The following UMPS variants were observed in gnomAD, a reference collection of about 807,000 sequenced individuals.
UMPS encodes uridine monophosphate synthetase.
In UMPS, 21 loss-of-function variants were observed where a neutral mutation model predicts 38.9. The ratio of observed to expected loss-of-function variants is 0.54; its 90% CI spans 0.38 to 0.78. The LOEUF (loss-of-function observed/expected upper bound fraction) is 0.78, where lower values mean the gene tolerates loss of function less well. Among genes scored for constraint, UMPS ranks in the 30% least tolerant of loss-of-function variants. UMPS has a pLI of 0.00. For synonymous variants in UMPS, 208 were observed against 219.3 expected, an observed-to-expected ratio of 0.95 and a Z score of 0.45; for missense variants, 533 against 591.6, an observed-to-expected ratio of 0.90 and a Z score of 1.03.
Position 124,747,805 on chromosome 3 carries a change from G to C in UMPS, c.*3721G>C, listed in dbSNP as rs925047731. Reference sequence around the variant, plus strand: ...CCAACCATCACCTCTGGCTGCATCAGCGATCTCTCCCAGCGAAATAGCTGC... The same window carrying C: ...CCAACCATCACCTCTGGCTGCATCACCGATCTCTCCCAGCGAAATAGCTGC... On this transcript the variant is annotated 3_prime_UTR_variant, in exon 6 of 6. Transcript: ENST00000232607. The C allele has an allele frequency of 3.6e-5, 16 of 450,336 alleles. No homozygotes were observed. Among genetic ancestry groups the C allele is most frequent in the African/African-American group, 3.2e-4 (16 of 49,914 alleles). The allele number at this position is 450,336 out of a possible 1,614,324, so 27.9% of individuals were successfully genotyped here. A position where few individuals can be genotyped will look rare whatever the true frequency, so the allele number is the denominator to read the frequency against.
At position 124,748,087 on chromosome 3, in the gene UMPS, T is replaced by C. The variant is rs2063616491; in HGVS notation, c.*4003T>C. 3.1e-6 allele frequency: 1 copy of C among 323,676 alleles called. No individual in the cohort carries two copies. The highest frequency in any genetic ancestry group is 5.9e-6 in the Non-Finnish European group (1 of 169,362). 20.1% of individuals were successfully genotyped at this position (323,676 alleles called of 1,614,324 possible). A position where few individuals can be genotyped will look rare whatever the true frequency, so the allele number is the denominator to read the frequency against. On this transcript the variant is annotated 3_prime_UTR_variant, in exon 6 of 6. Coordinates refer to ENST00000232607, the MANE Select transcript of UMPS (RefSeq NM_000373.4). ...TTTAAAATATATATTTTAACAGTTA[T>C]ATATATTAGATATAATATATAATAG...
At position 124,737,854 on chromosome 3, in the gene UMPS, G is replaced by T. The variant is rs2063528363; in HGVS notation, c.597G>T (p.Arg199Ser). ...VDAETVGRVK[R>S]FIQENVFVAA... The stretch of plus-strand genomic sequence containing the variant: ...CTGAGACAGTTGGGAGAGTGAAGAG[G>T]TTTATTCAGGAGAATGTCTTTGTGG... The change falls in exon 3 of 6, where the codon AGG becomes AGT. Residue 199 changes from arginine (R) to serine (S), a missense_variant. By Grantham distance (110) the Arg-to-Ser change is moderately radical (BLOSUM62 -1). Coordinates refer to ENST00000232607, the MANE Select transcript of UMPS (RefSeq NM_000373.4). The T allele has an allele frequency of 1.2e-6, 2 of 1,614,214 alleles. No individual in the cohort carries two copies. The highest frequency in any genetic ancestry group is 1.7e-6 in the Non-Finnish European group (2 of 1,180,034).
In UMPS at chr3:124,737,697, C is replaced by T; in HGVS notation, c.440C>T (p.Thr147Ile). 1.2e-6 allele frequency: 2 copies of T among 1,614,170 alleles called. No homozygotes were observed. Among genetic ancestry groups the T allele is most frequent in the South Asian group, 2.2e-5 (2 of 91,086 alleles). Residue 147 changes from threonine (T) to isoleucine (I), a missense_variant, in exon 3 of 6, where the codon ACT (threonine) becomes ATT (isoleucine). Coordinates refer to ENST00000232607, the MANE Select transcript of UMPS (RefSeq NM_000373.4). Reference protein sequence around the residue: ...EVLQKEGLKVTDAIVLLDREQ... With the variant: ...EVLQKEGLKVIDAIVLLDREQ... The stretch of plus-strand genomic sequence containing the variant: ...CTTCAGAAGGAGGGCTTGAAGGTCA[C>T]TGATGCCATAGTGCTGTTGGACAGA...
rs1197791823 is a variant in UMPS, at chr3:124,747,104, GCTCAAGTAGCTGGAACTACT to G, written c.*3032_*3051del. 1.8e-5 allele frequency: 8 copies of G among 453,814 alleles called. No homozygotes were observed. The highest frequency in any genetic ancestry group is 6.9e-4 in the Middle Eastern group (1 of 1,444). 28.1% of individuals were successfully genotyped at this position (453,814 alleles called of 1,614,324 possible). A position where few individuals can be genotyped will look rare whatever the true frequency, so the allele number is the denominator to read the frequency against. ...ACCTTGACTTGGGCTCAAGCGATCCGCTCAAGTAGCTGGAACTACTCTCAAGTAGCTCTCAAGAGCCTCTC... is the reference window on the plus strand; with the variant it reads ...ACCTTGACTTGGGCTCAAGCGATCCGCTCAAGTAGCTCTCAAGAGCCTCTC... On this transcript the variant is annotated 3_prime_UTR_variant, in exon 6 of 6. Coordinates refer to ENST00000232607, the MANE Select transcript of UMPS (RefSeq NM_000373.4).
At chr3:124,734,821 C>A (rs2063506343) in intron 1 of UMPS, among the ~76,000 whole-genome samples, 1 of 152,050 alleles carries the variant, frequency 6.6e-6, no homozygotes, top group African/African-American at 2.4e-5. Flanking sequence ...GAGTTTGAGG[C>A]CAGCCTGACC....
At position 124,738,335 on chromosome 3, in the gene UMPS, G is replaced by A. The variant is rs1164350185; in HGVS notation, c.982+96G>A. 4 of 1,373,252 alleles carry A rather than the reference G, an allele frequency of 2.9e-6. No individual in the cohort carries two copies. In the East Asian group the frequency reaches 7.4e-5, roughly 25 times the overall value. The allele number at this position is 1,373,252 out of a possible 1,614,324, so 85.1% of individuals were successfully genotyped here. On this transcript the variant is annotated intron_variant, in intron 3 of 5. Coordinates refer to ENST00000232607, the MANE Select transcript of UMPS (RefSeq NM_000373.4). ...TCATGTCATTGAAAGTCCATTCATA[G>A]AGCAGGCTGTCAAGCGTGGTTGGAT...
In UMPS at chr3:124,737,759, A is replaced by G; in HGVS notation, c.502A>G (p.Ile168Val). 6.2e-7 allele frequency: 1 copy of G among 1,614,194 alleles called. No individual in the cohort carries two copies. Among genetic ancestry groups the G allele is most frequent in the Non-Finnish European group, 8.5e-7 (1 of 1,180,028 alleles). The change falls in exon 3 of 6, where the codon ATC becomes GTC. Residue 168 changes from isoleucine (I) to valine (V), a missense_variant. Transcript: ENST00000232607. ...CAAGGACAAGTTGCAGGCGCACGGG[A>G]TCCGCCTCCACTCAGTGTGTACATT... is the stretch of plus-strand genomic sequence containing the variant. ...GGKDKLQAHG[I>V]RLHSVCTLSK...
intron 3 of UMPS, among the ~76,000 whole-genome samples, chr3:124,739,370 C>T (rs567477526): frequency 1.4e-4 from 21 of 152,192 alleles, no homozygotes; most frequent in Admixed American, 8.5e-4. Context: ...CTTGCTCTGT[C>T]GCCCAGGCTG....
At chr3:124,734,564 G>A (rs1397070181) in intron 1 of UMPS, among the ~76,000 whole-genome samples, 1 of 152,174 alleles carries the variant, frequency 6.6e-6, no homozygotes, top group Non-Finnish European at 1.5e-5. Context: ...TGGTTGAATA[G>A]ATTCATTCTT....
intron 5 of UMPS, chr3:124,742,571 T>C (rs1487700917): frequency 2.3e-5 from 8 of 340,778 alleles, no homozygotes; most frequent in South Asian, 8.3e-5. Context: ...TCTGTACTTA[T>C]AAGCCCTTAT....
rs529042209 is a variant in UMPS at position 124,749,158 on chromosome 3, G to T, written c.*5074G>T. The T allele has an allele frequency of 6.7e-4, 305 of 454,030 alleles. 5 individuals carry two copies. Among genetic ancestry groups the T allele is most frequent in the South Asian group, 4.6e-3 (297 of 64,472 alleles). The allele number at this position is 454,030 out of a possible 1,614,324, so 28.1% of individuals were successfully genotyped here. On this transcript the variant is annotated 3_prime_UTR_variant, in exon 6 of 6. Coordinates refer to ENST00000232607, the MANE Select transcript of UMPS (RefSeq NM_000373.4). The stretch of plus-strand genomic sequence containing the variant: ...TGTTTACCTGGAACCTAGCAATGTT[G>T]TTTTCTGCCACAACTTGAATAGATA...
Position 124,747,803 on chromosome 3 carries a change from C to T in UMPS, c.*3719C>T, listed in dbSNP as rs1288236727. 1 of 450,080 alleles carries T rather than the reference C, an allele frequency of 2.2e-6. No homozygotes were observed. The highest frequency in any genetic ancestry group is 4.5e-6 in the Non-Finnish European group (1 of 223,434). 27.9% of individuals were successfully genotyped at this position (450,080 alleles called of 1,614,324 possible). On this transcript the variant is annotated 3_prime_UTR_variant, in exon 6 of 6. Transcript: ENST00000232607. ...TCCCAACCATCACCTCTGGCTGCAT[C>T]AGCGATCTCTCCCAGCGAAATAGCT...
chr3:124,736,098 G>C (rs1468358164), intron 2 of UMPS, among the ~76,000 whole-genome samples: 2 of 151,846 alleles, frequency 1.3e-5, no homozygotes, highest in African/African-American at 4.8e-5. Flanking sequence ...CTTTGGCAAC[G>C]TTTGTCTCTA....
Position 124,746,599 on chromosome 3 carries a change from T to C in UMPS, c.*2515T>C, listed in dbSNP as rs1377690870. The C allele has an allele frequency of 4.4e-6, 2 of 453,962 alleles. No individual in the cohort carries two copies. Among genetic ancestry groups the C allele is most frequent in the African/African-American group, 4.0e-5 (2 of 49,990 alleles). The allele number at this position is 453,962 out of a possible 1,614,324, so 28.1% of individuals were successfully genotyped here. On this transcript the variant is annotated 3_prime_UTR_variant, in exon 6 of 6. Transcript: ENST00000232607. ...GTCAAGGAATATTTACAGAACATGATCTCTGGGCATTGTAACTCCTGGTCT... is the reference window on the plus strand; with the variant it reads ...GTCAAGGAATATTTACAGAACATGACCTCTGGGCATTGTAACTCCTGGTCT...
intron 4 of UMPS, 141 bp downstream of exon 4, chr3:124,740,340 C>G: frequency 1.3e-6 from 1 of 775,826 alleles, no homozygotes; most frequent in South Asian, 2.1e-5. Flanking sequence ...TATATTAATA[C>G]TAGTTGGATA....
chr3:124,747,674 G>A lies in UMPS; in HGVS notation c.*3590G>A, dbSNP rs961520365. ...GGAGTTCCAGGGTGGTTTATTACACGGCAATATCTAGCTAAATACATTTAA... is the reference window on the plus strand; with the variant it reads ...GGAGTTCCAGGGTGGTTTATTACACAGCAATATCTAGCTAAATACATTTAA... On this transcript the variant is annotated 3_prime_UTR_variant, in exon 6 of 6. Transcript: ENST00000232607. 7 of 453,128 alleles carry A rather than the reference G, an allele frequency of 1.5e-5. No individual in the cohort carries two copies. The highest frequency in any genetic ancestry group is 2.2e-5 in the Non-Finnish European group (5 of 226,100). 28.1% of individuals were successfully genotyped at this position (453,128 alleles called of 1,614,324 possible).
At chr3:124,740,328 A>G in intron 4 of UMPS, 129 bp downstream of exon 4, 2 of 889,054 alleles carry the variant, frequency 2.2e-6, no homozygotes, top group East Asian at 5.0e-5. Context: ...TTAGTGTGAC[A>G]GTATATTAAT....
At position 124,744,204 on chromosome 3, in the gene UMPS, G is replaced by A; in HGVS notation, c.*120G>A. The A allele has an allele frequency of 8.4e-7, 1 of 1,187,532 alleles. No individual in the cohort carries two copies. The highest frequency in any genetic ancestry group is 1.5e-5 in the African/African-American group (1 of 66,264). The allele number at this position is 1,187,532 out of a possible 1,614,324, so 73.6% of individuals were successfully genotyped here. A position where few individuals can be genotyped will look rare whatever the true frequency, so the allele number is the denominator to read the frequency against. On this transcript the variant is annotated 3_prime_UTR_variant, in exon 6 of 6. Coordinates refer to ENST00000232607, the MANE Select transcript of UMPS (RefSeq NM_000373.4). ...GCTTGGATTCTTCCACAGGGCCTGT[G>A]TAAGAATGGGTTCTGGAGTTCTCAT...
At position 124,747,744 on chromosome 3, in the gene UMPS, A is replaced by G; in HGVS notation, c.*3660A>G. 1 of 452,252 alleles carries G rather than the reference A, an allele frequency of 2.2e-6. No homozygotes were observed. Among genetic ancestry groups the G allele is most frequent in the Non-Finnish European group, 4.4e-6 (1 of 225,192 alleles). The allele number at this position is 452,252 out of a possible 1,614,324, so 28.0% of individuals were successfully genotyped here. ...TCCAGCCTGGTTACCAGGAAGACAAAAACTGGGCTCCACCAGGAACCAGTC... is the reference window on the plus strand; with the variant it reads ...TCCAGCCTGGTTACCAGGAAGACAAGAACTGGGCTCCACCAGGAACCAGTC... On this transcript the variant is annotated 3_prime_UTR_variant, in exon 6 of 6. Coordinates refer to ENST00000232607, the MANE Select transcript of UMPS (RefSeq NM_000373.4).
Sources: allele counts gnomAD v4.1 joint callset (sites outside exome capture counted in the v4.1 genomes callset), GRCh38; gene constraint gnomAD v4.1.1; transcripts MANE v1.5; gene names NCBI Gene and HGNC (gene_info 2026-07-23, HGNC 2026-07-21).